The following EPRS1 variants were observed in gnomAD, a reference collection of about 807,000 sequenced individuals.
The protein encoded by EPRS1 is glutamyl-prolyl-tRNA synthetase 1.
Under a neutral mutation model 188.3 loss-of-function variants are expected in EPRS1, and 107 were observed. The observed-to-expected ratio is 0.57, with a 90% CI of 0.49 to 0.67. The LOEUF is 0.67. Among genes scored for constraint, EPRS1 ranks in the 30% least tolerant of loss-of-function variants. The probability of loss-of-function intolerance (pLI) is 0.00; values close to 1 mark genes in which losing one functional copy is unlikely to be tolerated. For synonymous variants in EPRS1, 596 were observed against 593.1 expected, an observed-to-expected ratio of 1.00 and a Z score of -0.07; for missense variants, 1,577 against 1,802.2, an observed-to-expected ratio of 0.88 and a Z score of 2.26.
In EPRS1 at chr1:219,972,299, G is replaced by A. The variant is rs1170724991; in HGVS notation, c.4245-152C>T. 9.8e-6 allele frequency: 5 copies of A among 507,622 alleles called. No homozygotes were observed. The East Asian group carries it at 1.6e-4, about 16-fold the overall frequency. 31.4% of individuals were successfully genotyped at this position (507,622 alleles called of 1,614,324 possible). On this transcript the variant is annotated intron_variant, in intron 29 of 31. Coordinates refer to ENST00000366923, the MANE Select transcript of EPRS1 (RefSeq NM_004446.3). Reference sequence around the variant, plus strand: ...AGTCTATCACTCATAGTGACCATCAGTATATCAGAGTTACCTTATCATTGC... The same window carrying A: ...AGTCTATCACTCATAGTGACCATCAATATATCAGAGTTACCTTATCATTGC...
At chr1:219,982,750 G>A in intron 23 of EPRS1, 22 bp downstream of exon 23, 1 of 1,603,756 alleles carries the variant, frequency 6.2e-7, no homozygotes, top group South Asian at 1.1e-5. Flanking sequence ...GCATTCTCTT[G>A]CACTCCAATG....
intron 1 of EPRS1, among the ~76,000 whole-genome samples, chr1:220,042,831 G>A (rs1662324262): frequency 6.6e-6 from 1 of 151,974 alleles, no homozygotes; most frequent in South Asian, 2.1e-4. Flanking sequence ...TGAGGCAGGA[G>A]GATCACATGA....
chr1:220,016,247 G>A (rs928980824), intron 12 of EPRS1, among the ~76,000 whole-genome samples: 6 of 151,840 alleles, frequency 4.0e-5, no homozygotes, highest in African/African-American at 1.5e-4. Context: ...GGGAGGCTAA[G>A]GCAGGAGAAT....
At chr1:219,974,420 G>A (rs1200337244) in intron 28 of EPRS1, among the ~76,000 whole-genome samples, 1 of 152,168 alleles carries the variant, frequency 6.6e-6, no homozygotes, top group Non-Finnish European at 1.5e-5. Context: ...CCCGTAAGGG[G>A]ATTAAAATCC....
chr1:220,037,733 T>C (rs146901756), intron 2 of EPRS1, among the ~76,000 whole-genome samples: 72 of 152,232 alleles, frequency 4.7e-4, no homozygotes, highest in African/African-American at 1.6e-3. Flanking sequence ...CTAAAGCATA[T>C]TATTGTAAAA....
At chr1:219,990,390 G>T (rs2102570053) in intron 18 of EPRS1, among the ~76,000 whole-genome samples, 1 of 152,224 alleles carries the variant, frequency 6.6e-6, no homozygotes, top group East Asian at 1.9e-4. Context: ...ATTCTTGAGA[G>T]AATTTGAATT....
rs752008988 is a variant in EPRS1, at chr1:219,983,206, C to A, written c.3283G>T (p.Ala1095Ser). ...TCACTTACCTCTGGGGCAAAGTCAG[C>A]AACATGAGTCTTCTCTTTCTCTAAT... ...SALEKEKTHV[A>S]DFAPEVAWVT... The change falls in exon 22 of 32, where the codon GCT becomes TCT. Residue 1095 changes from alanine to serine, a missense_variant. Around this residue, in one of 3 missense-constraint regions of EPRS1, gnomAD observed 1,278 missense variants for 1,457.4 expected, o/e 0.88. Transcript: ENST00000366923. 44 of 1,613,598 alleles carry A rather than the reference C, an allele frequency of 2.7e-5. No homozygotes were observed. Among genetic ancestry groups the A allele is most frequent in the Non-Finnish European group, 3.6e-5 (42 of 1,179,748 alleles).
At position 220,019,096 on chromosome 1, in the gene EPRS1, T is replaced by G; in HGVS notation, c.1350-17A>C. 1 of 1,544,798 alleles carries G rather than the reference T, an allele frequency of 6.5e-7. No individual in the cohort carries two copies. Among genetic ancestry groups the G allele is most frequent in the Non-Finnish European group, 8.9e-7 (1 of 1,117,546 alleles). On this transcript the variant is annotated splice_polypyrimidine_tract_variant and intron_variant, in intron 10 of 31. Coordinates refer to ENST00000366923, the MANE Select transcript of EPRS1 (RefSeq NM_004446.3). ...GGGTCATCCCTGGAAATATGTAAAT[T>G]TTAAGTACCAAGGAAATTTTGTAAT... is the stretch of plus-strand genomic sequence containing the variant.
intron 17 of EPRS1, among the ~76,000 whole-genome samples, chr1:219,998,558 T>TTTC (rs1661280520): frequency 6.6e-6 from 1 of 151,534 alleles, no homozygotes; most frequent in Non-Finnish European, 1.5e-5. Context: ...TTTTTTTTTT[T>TTTC]TTTGAGACAG....
At position 220,019,203 on chromosome 1, in the gene EPRS1, T is replaced by C. The variant is rs146703167; in HGVS notation, c.1350-124A>G. ...TAAACATTTGTCTAAGAGCTAGTTA[T>C]ACTAATTAGGTAGTATGCAATACTA... is the stretch of plus-strand genomic sequence containing the variant. On this transcript the variant is annotated intron_variant, in intron 10 of 31. Coordinates refer to ENST00000366923, the MANE Select transcript of EPRS1 (RefSeq NM_004446.3). 373 of 686,652 alleles carry C rather than the reference T, an allele frequency of 5.4e-4. 2 individuals carry two copies. The African/African-American group carries it at 5.9e-3, about 11-fold the overall frequency. 42.5% of individuals were successfully genotyped at this position (686,652 alleles called of 1,614,324 possible). A position where few individuals can be genotyped will look rare whatever the true frequency, so the allele number is the denominator to read the frequency against.
intron 18 of EPRS1, among the ~76,000 whole-genome samples, chr1:219,994,530 A>G (rs1661189113): frequency 6.6e-6 from 1 of 152,142 alleles, no homozygotes. Context: ...AAAAGACAAA[A>G]TATTAAAAAA....
intron 12 of EPRS1, among the ~76,000 whole-genome samples, chr1:220,012,633 A>G (rs1661625988): frequency 6.6e-6 from 1 of 152,250 alleles, no homozygotes; most frequent in South Asian, 2.1e-4. Flanking sequence ...AAAATATGCA[A>G]TTCTAAAAGT....
At chr1:220,036,557 A>G (rs1222251582) in intron 2 of EPRS1, among the ~76,000 whole-genome samples, 2 of 152,138 alleles carry the variant, frequency 1.3e-5, no homozygotes, top group African/African-American at 4.8e-5. Flanking sequence ...ACTGGAGGCC[A>G]TTATATTTAG....
intron 15 of EPRS1, 54 bp downstream of exon 15, chr1:220,006,052 T>C: frequency 9.4e-7 from 1 of 1,058,562 alleles, no homozygotes; most frequent in South Asian, 1.9e-5. Context: ...AATTAATTTT[T>C]TTAATTCTAA....
chr1:220,001,367 CT>C, intron 16 of EPRS1, 112 bp from the exon 17 acceptor site: 1 of 694,292 alleles, frequency 1.4e-6, no homozygotes, highest in Non-Finnish European at 2.6e-6. Flanking sequence ...GCTTTTCTTT[CT>C]TTTTTTCTTT....
intron 4 of EPRS1, 77 bp from the exon 5 acceptor site, chr1:220,032,603 A>C: frequency 7.4e-7 from 1 of 1,353,798 alleles, no homozygotes; most frequent in Non-Finnish European, 1.0e-6. Context: ...GACTAATTGA[A>C]GTAATTGAGA....
intron 2 of EPRS1, among the ~76,000 whole-genome samples, chr1:220,039,350 C>T (rs1195816006): frequency 6.6e-6 from 1 of 152,104 alleles, no homozygotes; most frequent in Non-Finnish European, 1.5e-5. Context: ...TGCAGATGGG[C>T]TCTCAAAGCT....
At chr1:219,998,987 C>G (rs1449329873) in intron 17 of EPRS1, among the ~76,000 whole-genome samples, 2 of 149,180 alleles carry the variant, frequency 1.3e-5, no homozygotes, top group Non-Finnish European at 3.0e-5. Flanking sequence ...AGTTTTATGT[C>G]AAATAAAGAA....
In EPRS1 at chr1:220,005,305, A is replaced by G; in HGVS notation, c.2006T>C (p.Ile669Thr). 5 of 1,601,310 alleles carry G rather than the reference A, an allele frequency of 3.1e-6. No homozygotes were observed. Among genetic ancestry groups the G allele is most frequent in the Non-Finnish European group, 4.3e-6 (5 of 1,173,648 alleles). The change falls in exon 16 of 32, where the codon ATT (isoleucine) becomes ACT (threonine). Residue 669 changes from isoleucine (I) to threonine (T), a missense_variant. By Grantham distance (89) the Ile-to-Thr change is moderately conservative. Transcript: ENST00000366923. ...PCLKDLKKGD[I>T]IQLQRRGFFI... ...GAATCCTCTTCTCTGGAGTTGTATA[A>G]TATCTCCTTTTTTCAAATCCTTAAG...
Sources: gnomAD v4.1 joint callset for allele counts (sites outside exome capture counted in the v4.1 genomes callset) on GRCh38, gnomAD v4.1.1 for gene constraint, gnomAD v4.1.1 regional missense constraint, MANE v1.5 for transcripts, NCBI Gene and HGNC (gene_info 2026-07-23, HGNC 2026-07-21) for gene names.